Variants in KANK1 observed in about 807,000 individuals in gnomAD.
The protein encoded by KANK1 is KN motif and ankyrin repeat domain-containing protein 1.
Under a neutral mutation model 106.2 loss-of-function variants are expected in KANK1, and 109 were observed. The ratio of observed to expected loss-of-function variants is 1.03; its 90% CI spans 0.88 to 1.20. KANK1 has a LOEUF of 1.20. Ranked by LOEUF, KANK1 falls within the 50% of genes most tolerant of loss-of-function variation. The pLI is 0.00. For synonymous variants in KANK1, 873 were observed against 652.2 expected, an observed-to-expected ratio of 1.34 and a Z score of -5.16; for missense variants, 2,399 against 1,710.7, an observed-to-expected ratio of 1.40 and a Z score of -7.10.
intron 1 of KANK1, among the ~76,000 whole-genome samples, chr9:564,144 C>T (rs1324051279): frequency 3.3e-5 from 5 of 151,718 alleles, no homozygotes; most frequent in African/African-American, 4.9e-5. Context: ...ACTGCAAGCT[C>T]CGCCTCCCGG....
chr9:670,606 T>C lies in KANK1; in HGVS notation c.-83-6284T>C, dbSNP rs143811420. ...CCTGTGGAATCTACCTCCTACAGCA[T>C]AGTGCTGCCGAACACCCACTCTGAT... On this transcript the variant is annotated intron_variant, in intron 1 of 11. Coordinates refer to ENST00000382297, the MANE Select transcript of KANK1 (RefSeq NM_015158.5). Among the ~76,000 whole-genome samples the C allele has an allele frequency of 3.2e-3, 488 of 152,266 alleles. 1 individual carries two copies. The highest frequency in any genetic ancestry group is 0.011 in the African/African-American group (477 of 41,546).
chr9:543,677 A>G (rs2060751537), intron 1 of KANK1, among the ~76,000 whole-genome samples: 1 of 152,228 alleles, frequency 6.6e-6, no homozygotes, highest in Non-Finnish European at 1.5e-5. Flanking sequence ...TTCACCAGAA[A>G]ATGACCATTG....
chr9:697,555 TC>T (rs1294333010), intron 2 of KANK1, among the ~76,000 whole-genome samples: 1 of 152,126 alleles, frequency 6.6e-6, no homozygotes, highest in African/African-American at 2.4e-5. Context: ...TAGTAGGAAA[TC>T]TCTACCCACT....
At chr9:539,773 C>T (rs1295339354) in intron 1 of KANK1, 1 of 152,196 alleles carries the variant, frequency 6.6e-6, no homozygotes, top group African/African-American at 2.4e-5. Context: ...AGGTGTGAAC[C>T]ATTGCACACG....
At chr9:560,536 G>A (rs1016778784) in intron 1 of KANK1, among the ~76,000 whole-genome samples, 10 of 152,164 alleles carry the variant, frequency 6.6e-5, no homozygotes, top group South Asian at 4.1e-4. Context: ...AGCCAGGAGC[G>A]AAATGTCTTT....
chr9:604,795 A>T (rs1477654609), intron 1 of KANK1, among the ~76,000 whole-genome samples: 2 of 151,900 alleles, frequency 1.3e-5, no homozygotes, highest in Non-Finnish European at 2.9e-5. Context: ...GTGCCACTGC[A>T]CTTCAGCCTG....
chr9:725,330 T>G (rs1564086168), intron 3 of KANK1, among the ~76,000 whole-genome samples: 1 of 151,928 alleles, frequency 6.6e-6, no homozygotes, highest in Admixed American at 6.6e-5. Context: ...CAGTCTCTAC[T>G]AAAAATACAA....
intron 2 of KANK1, among the ~76,000 whole-genome samples, chr9:697,076 CTGTGTGTGTG>C (rs3028272): frequency 2.1e-4 from 32 of 151,086 alleles, no homozygotes; most frequent in East Asian, 2.0e-3. Context: ...TTTGTTCCAT[CTGTGTGTGTG>C]TGTGTGTGTG....
rs79332673 is a variant in KANK1, at chr9:524,833, C to G, written c.-84+20079C>G. Among the ~76,000 whole-genome samples, 202 of 151,360 alleles carry G rather than the reference C, an allele frequency of 1.3e-3. 7 individuals are homozygous for G. The East Asian group carries it at 0.033, about 25-fold the overall frequency. On this transcript the variant is annotated intron_variant, in intron 1 of 11. Coordinates refer to ENST00000382297, the MANE Select transcript of KANK1 (RefSeq NM_015158.5). Reference sequence around the variant, plus strand: ...TGCCCGGCTCGTTACTGGTTTTGATCAGTGTTCTGAAATAGTAATTTTGGG... The same window carrying G: ...TGCCCGGCTCGTTACTGGTTTTGATGAGTGTTCTGAAATAGTAATTTTGGG...
At chr9:596,397 C>T (rs932159221) in intron 1 of KANK1, among the ~76,000 whole-genome samples, 7 of 151,742 alleles carry the variant, frequency 4.6e-5, no homozygotes, top group Admixed American at 3.9e-4. Flanking sequence ...AGGTTAAGTT[C>T]GGGTAGAGAA....
chr9:519,540 A>G (rs2059452138), intron 1 of KANK1, among the ~76,000 whole-genome samples: 1 of 151,832 alleles, frequency 6.6e-6, no homozygotes, highest in Non-Finnish European at 1.5e-5. Flanking sequence ...TCACATCCTC[A>G]GATCTTGGTA....
intron 1 of KANK1, among the ~76,000 whole-genome samples, chr9:619,912 A>G (rs118036705): frequency 0.076 from 11,483 of 152,088 alleles, 577 homozygotes; most frequent in African/African-American, 0.15. Flanking sequence ...TGAGGCGAGC[A>G]GATCACCTGA....
intron 1 of KANK1, among the ~76,000 whole-genome samples, chr9:671,983 C>T (rs1815260477): frequency 6.6e-6 from 1 of 152,260 alleles, no homozygotes; most frequent in East Asian, 1.9e-4. Flanking sequence ...TTCCGAGATG[C>T]AGCTTTCTTA....
rs117572524 is a variant in KANK1, at chr9:489,837, C to T, written c.-362+16564C>T. ...ACTCGTAAATTGGCACTTGAAATAACCAAGATTATAGTTAACAGTTCTAGG... is the reference window on the plus strand; with the variant it reads ...ACTCGTAAATTGGCACTTGAAATAATCAAGATTATAGTTAACAGTTCTAGG... On this transcript the variant is annotated intron_variant, in intron 3 of 15. Coordinates refer to the KANK1 transcript ENST00000382303. Among the ~76,000 whole-genome samples, 1,444 of 152,218 alleles carry T rather than the reference C, an allele frequency of 9.5e-3. 5 individuals carry two copies. Among genetic ancestry groups the T allele is most frequent in the Non-Finnish European group, 0.016 (1,084 of 68,012 alleles).
At chr9:637,550 A>G (rs1563906374) in intron 1 of KANK1, among the ~76,000 whole-genome samples, 1 of 152,152 alleles carries the variant, frequency 6.6e-6, no homozygotes, top group African/African-American at 2.4e-5. Flanking sequence ...TAAGTCACCA[A>G]GTCTGGGGTG....
chr9:599,790 A>G (rs538935852), intron 1 of KANK1, among the ~76,000 whole-genome samples: 2 of 151,990 alleles, frequency 1.3e-5, no homozygotes, highest in South Asian at 2.1e-4. Context: ...AGGGCTGGCT[A>G]CAGAACTTCA....
chr9:706,929 C>G, intron 2 of KANK1: 1 of 985,418 alleles, frequency 1.0e-6, no homozygotes, highest in Non-Finnish European at 1.2e-6. Context: ...AAAGTGCTAG[C>G]TTTATTTAAA....
chr9:613,262 C>T (rs969792152), intron 1 of KANK1, among the ~76,000 whole-genome samples: 2 of 150,998 alleles, frequency 1.3e-5, no homozygotes, highest in Admixed American at 6.7e-5. Flanking sequence ...CACAAGTAGT[C>T]ACCATATAGG....
Position 677,023 on chromosome 9 carries a change from C to G in KANK1, c.37+14C>G. The G allele has an allele frequency of 6.2e-7, 1 of 1,612,112 alleles. No homozygotes were observed. Among genetic ancestry groups the G allele is most frequent in the African/African-American group, 1.3e-5 (1 of 74,938 alleles). Reference sequence around the variant, plus strand: ...GCAGTGCCTCAGGTAACCCTGTGCTCTGGAGTTTGTGTGTTAAATGTATGT... The same window carrying G: ...GCAGTGCCTCAGGTAACCCTGTGCTGTGGAGTTTGTGTGTTAAATGTATGT... On this transcript the variant is annotated intron_variant, in intron 2 of 11. Transcript: ENST00000382297.
Sources: gnomAD v4.1 joint callset for allele counts (sites outside exome capture counted in the v4.1 genomes callset) on GRCh38, gnomAD v4.1.1 for gene constraint, MANE v1.5 for transcripts, NCBI Gene and HGNC (gene_info 2026-07-23, HGNC 2026-07-21) for gene names.